LUZP2: variants seen among roughly 807,000 people sequenced by gnomAD.
The protein encoded by LUZP2 is leucine zipper protein 2.
In LUZP2, 52 loss-of-function variants were observed where a neutral mutation model predicts 51.6. That is an observed-to-expected ratio of 1.01 (90% CI 0.81 to 1.27). The LOEUF (loss-of-function observed/expected upper bound fraction) is 1.27. LUZP2 is among the 50% of genes most tolerant of loss of function. The pLI, the probability that LUZP2 is intolerant of heterozygous loss-of-function variation, is 0.00. For synonymous variants in LUZP2, 154 were observed against 137.3 expected, an observed-to-expected ratio of 1.12 and a Z score of -0.85; for missense variants, 436 against 395.4, an observed-to-expected ratio of 1.10 and a Z score of -0.87.
chr11:24,706,339 A>G (rs546185471), intron 1 of LUZP2, among the ~76,000 whole-genome samples: 138 of 152,262 alleles, frequency 9.1e-4, no homozygotes, highest in Middle Eastern at 6.8e-3. Flanking sequence ...GTGGGAGGTG[A>G]CAAAACCTCT....
At chr11:24,840,749 A>G (rs1337374772) in intron 5 of LUZP2, among the ~76,000 whole-genome samples, 1 of 152,134 alleles carries the variant, frequency 6.6e-6, no homozygotes, top group South Asian at 2.1e-4. Context: ...AAATGGCAAT[A>G]CAGAAAGCAT....
At chr11:24,606,560 G>T (rs536833161) in intron 1 of LUZP2, among the ~76,000 whole-genome samples, 7 of 152,036 alleles carry the variant, frequency 4.6e-5, no homozygotes, top group Non-Finnish European at 1.0e-4. Context: ...AGATGCTTAG[G>T]TGTTTTCATA....
intron 1 of LUZP2, among the ~76,000 whole-genome samples, chr11:24,628,758 C>T (rs561771658): frequency 3.9e-5 from 6 of 152,118 alleles, no homozygotes; most frequent in South Asian, 4.1e-4. Context: ...AGGGTTTCAC[C>T]GTGTTGGCCA....
intron 5 of LUZP2, among the ~76,000 whole-genome samples, chr11:24,788,927 G>A (rs1054135147): frequency 2.6e-5 from 4 of 152,088 alleles, no homozygotes; most frequent in African/African-American, 7.2e-5. Flanking sequence ...CAATTCAAAC[G>A]CAAATCTCAT....
At chr11:24,758,005 A>G (rs951297541) in intron 4 of LUZP2, among the ~76,000 whole-genome samples, 12 of 152,138 alleles carry the variant, frequency 7.9e-5, no homozygotes, top group African/African-American at 2.9e-4. Context: ...TTAATTCCTA[A>G]TAAATGCAAG....
intron 1 of LUZP2, among the ~76,000 whole-genome samples, chr11:24,619,991 A>T (rs567123116): frequency 6.6e-6 from 1 of 152,300 alleles, no homozygotes; most frequent in African/African-American, 2.4e-5. Context: ...TCATGCTAAC[A>T]TAAGCATTAT....
rs149308560 is a variant in LUZP2, at chr11:25,006,608, G to A, written c.765+23315G>A. Among the ~76,000 whole-genome samples, 500 of 152,238 alleles carry A rather than the reference G, an allele frequency of 3.3e-3. 3 individuals are homozygous for A. The highest frequency in any genetic ancestry group is 0.011 in the African/African-American group (470 of 41,556). ...GCTTTTAACTGGCCAACATGTGCCC[G>A]GTATTTAGCCCCCAAATTCTAAGGA... On this transcript the variant is annotated intron_variant, in intron 9 of 11. Transcript: ENST00000336930.
At chr11:24,597,522 G>A (rs577158729) in intron 1 of LUZP2, among the ~76,000 whole-genome samples, 1 of 152,270 alleles carries the variant, frequency 6.6e-6, no homozygotes, top group East Asian at 1.9e-4. Flanking sequence ...GCATACAAAT[G>A]TAATCAGATT....
intron 5 of LUZP2, among the ~76,000 whole-genome samples, chr11:24,844,622 A>G (rs61894120): frequency 0.16 from 24,678 of 152,144 alleles, 2,065 homozygotes; most frequent in South Asian, 0.22. Context: ...AGGTCTTAAC[A>G]GCAGCCCATC....
At chr11:24,521,542 C>A (rs1474280955) in intron 1 of LUZP2, among the ~76,000 whole-genome samples, 1 of 152,004 alleles carries the variant, frequency 6.6e-6, no homozygotes, top group Non-Finnish European at 1.5e-5. Flanking sequence ...TGGTTACAAG[C>A]TTTGTAGACT....
chr11:24,755,132 C>A (rs190368482), intron 4 of LUZP2, among the ~76,000 whole-genome samples: 1 of 150,696 alleles, frequency 6.6e-6, no homozygotes, highest in African/African-American at 2.5e-5. Flanking sequence ...GTGACAAGAG[C>A]AAAACTCTGT....
At chr11:24,534,753 G>C (rs1054637331) in intron 1 of LUZP2, among the ~76,000 whole-genome samples, 18 of 151,450 alleles carry the variant, frequency 1.2e-4, no homozygotes, top group Admixed American at 6.6e-4. Context: ...CATTTAGTTA[G>C]AAAAACAATT....
chr11:24,754,707 T>C (rs1213541592), intron 4 of LUZP2, among the ~76,000 whole-genome samples: 1 of 152,182 alleles, frequency 6.6e-6, no homozygotes, highest in African/African-American at 2.4e-5. Context: ...CTTCAGAACT[T>C]TACAGTGGCT....
At chr11:24,949,800 G>A (rs1370975809) in intron 7 of LUZP2, among the ~76,000 whole-genome samples, 1 of 151,604 alleles carries the variant, frequency 6.6e-6, no homozygotes, top group African/African-American at 2.4e-5. Flanking sequence ...TGATTTAAAT[G>A]TGTAGAACAC....
At chr11:24,919,638 A>T (rs1308068385) in intron 7 of LUZP2, among the ~76,000 whole-genome samples, 2 of 148,264 alleles carry the variant, frequency 1.3e-5, no homozygotes, top group African/African-American at 4.9e-5. Context: ...CCTTTCACTT[A>T]TGTGTAGGTA....
intron 5 of LUZP2, among the ~76,000 whole-genome samples, chr11:24,771,845 T>G (rs2134053197): frequency 6.6e-6 from 1 of 152,288 alleles, no homozygotes; most frequent in African/African-American, 2.4e-5. Flanking sequence ...CAAGCTCTTC[T>G]TGCCTGACCT....
intron 5 of LUZP2, among the ~76,000 whole-genome samples, chr11:24,776,652 A>G (rs906863807): frequency 9.2e-5 from 14 of 152,290 alleles, no homozygotes; most frequent in African/African-American, 3.4e-4. Flanking sequence ...TTTGTTAGCA[A>G]TGTCCCCTTG....
chr11:24,716,837 A>C (rs1590391439), intron 1 of LUZP2, among the ~76,000 whole-genome samples: 2 of 152,314 alleles, frequency 1.3e-5, no homozygotes, highest in East Asian at 3.9e-4. Context: ...CGGAGTTTGC[A>C]GTGAGCCGAC....
intron 1 of LUZP2, among the ~76,000 whole-genome samples, chr11:24,716,764 C>T (rs1013719600): frequency 1.3e-5 from 2 of 152,062 alleles, no homozygotes; most frequent in African/African-American, 4.8e-5. Context: ...GGCATGATGG[C>T]AGGCAACTGT....
Sources: allele counts gnomAD v4.1 joint callset (sites outside exome capture counted in the v4.1 genomes callset), GRCh38; gene constraint gnomAD v4.1.1; transcripts MANE v1.5; gene names NCBI Gene and HGNC (gene_info 2026-07-23, HGNC 2026-07-21).